The following PACS1 variants were observed in gnomAD, a reference collection of about 807,000 sequenced individuals.
PACS1 encodes the protein PACS-1.
Under a neutral mutation model 115.0 loss-of-function variants are expected in PACS1, and 24 were observed. The observed-to-expected ratio is 0.21, with a 90% CI of 0.15 to 0.29. PACS1 has a LOEUF of 0.29. Among genes scored for constraint, PACS1 ranks in the 10% least tolerant of loss-of-function variants. PACS1 has a pLI of 1.00. For missense variants in PACS1, 838 were observed against 1,251.2 expected (o/e 0.67, Z 4.98); for synonymous variants, 453 against 504.5 (o/e 0.90, Z 1.37).
chr11:66,135,423 G>A lies in PACS1; in HGVS notation c.357-58063G>A, dbSNP rs532020286. Among the ~76,000 whole-genome samples, 223 of 152,142 alleles carry A rather than the reference G, an allele frequency of 1.5e-3. 5 individuals are homozygous for A. The highest frequency in any genetic ancestry group is 3.4e-4 in the Non-Finnish European group (23 of 68,024). ...GGCACGCCCTTCAGAATCTTTATGGGTTTTTGTTAGCTCCTCAGCTTTCTC... is the reference window on the plus strand; with the variant it reads ...GGCACGCCCTTCAGAATCTTTATGGATTTTTGTTAGCTCCTCAGCTTTCTC... On this transcript the variant is annotated intron_variant, in intron 1 of 23. Transcript: ENST00000320580.
chr11:66,219,591 T>A, intron 7 of PACS1, 155 bp from the exon 8 acceptor site: 1 of 724,498 alleles, frequency 1.4e-6, no homozygotes, highest in Admixed American at 2.0e-5. Flanking sequence ...CCTGTCTTCC[T>A]GACAGGCTTT....
Position 66,070,639 on chromosome 11 carries a change from C to T in PACS1, c.153C>T (p.Ala51=), listed in dbSNP as rs1222755165. 3 of 1,557,478 alleles carry T rather than the reference C, an allele frequency of 1.9e-6. No homozygotes were observed. The highest frequency in any genetic ancestry group is 1.8e-4 in the Middle Eastern group (1 of 5,642). The change falls in exon 1 of 24, where the codon GCC becomes GCT. Residue 51 remains alanine, a synonymous_variant. Coordinates refer to ENST00000320580, the MANE Select transcript of PACS1 (RefSeq NM_018026.4). This position sits in a 1 kb window ranked among gnomAD's most constrained non-coding sequence, Gnocchi z 5.9. ...PPQQPTPPKL[A]QATSSSSSTS... is the part of the protein sequence containing the mutation. Reference sequence around the variant, plus strand: ...AGCAGCCGACGCCCCCCAAGCTGGCCCAGGCCACCTCGTCGTCCTCGTCCA... The same window carrying T: ...AGCAGCCGACGCCCCCCAAGCTGGCTCAGGCCACCTCGTCGTCCTCGTCCA...
intron 19 of PACS1, among the ~76,000 whole-genome samples, chr11:66,237,476 A>G (rs1855728157): frequency 6.6e-6 from 1 of 152,178 alleles, no homozygotes; most frequent in Non-Finnish European, 1.5e-5. Context: ...CTGCGCATCC[A>G]AGATGTGGGT....
Position 66,223,801 on chromosome 11 carries a change from T to C in PACS1, c.1293+2554T>C, listed in dbSNP as rs540606019. On this transcript the variant is annotated intron_variant, in intron 10 of 23. Coordinates refer to ENST00000320580, the MANE Select transcript of PACS1 (RefSeq NM_018026.4). ...ACTGTGGATGTTCAATAAATGTTAG[T>C]TACCTGACTTATAAAACTTACAGAA... Among the ~76,000 whole-genome samples, 86 of 152,292 alleles carry C rather than the reference T, an allele frequency of 5.6e-4. No individual in the cohort carries two copies. The South Asian group carries it at 0.012, about 21-fold the overall frequency.
At chr11:66,149,601 T>A (rs1859192310) in intron 1 of PACS1, among the ~76,000 whole-genome samples, 1 of 152,232 alleles carries the variant, frequency 6.6e-6, no homozygotes, top group African/African-American at 2.4e-5. Context: ...ACATTAACTT[T>A]GTATTTGAAA....
chr11:66,233,678 C>T lies in PACS1; in HGVS notation c.1839-107C>T. 3 of 1,104,990 alleles carry T rather than the reference C, an allele frequency of 2.7e-6. No individual in the cohort carries two copies. The highest frequency in any genetic ancestry group is 3.9e-6 in the Non-Finnish European group (3 of 771,568). The allele number at this position is 1,104,990 out of a possible 1,614,324, so 68.4% of individuals were successfully genotyped here. ...CTGTTTTATTTTGTGGATTGGTTTGCTTTTCCCCTGTGGGTTGTTGAGATC... is the reference window on the plus strand; with the variant it reads ...CTGTTTTATTTTGTGGATTGGTTTGTTTTTCCCCTGTGGGTTGTTGAGATC... On this transcript the variant is annotated intron_variant, in intron 15 of 23. Transcript: ENST00000320580. This position sits in a 1 kb window ranked among gnomAD's most constrained non-coding sequence, Gnocchi z 4.5.
intron 1 of PACS1, among the ~76,000 whole-genome samples, chr11:66,147,270 A>G (rs1859148460): frequency 6.6e-6 from 1 of 152,208 alleles, no homozygotes; most frequent in Non-Finnish European, 1.5e-5. Context: ...GTATTCTTCA[A>G]AAATGAAGGC....
At chr11:66,100,029 C>T (rs1023880514) in intron 1 of PACS1, among the ~76,000 whole-genome samples, 1 of 152,000 alleles carries the variant, frequency 6.6e-6, no homozygotes, top group Non-Finnish European at 1.5e-5. Context: ...TACAGACATC[C>T]GCCAGCACAC....
Position 66,207,439 on chromosome 11 carries a change from C to G in PACS1, c.445-2923C>G, listed in dbSNP as rs1854968265. ...CCGAGATCACACTACTGTACTCCAGCCTAGTCGACAGAGCAAGACTCTATC... is the reference window on the plus strand; with the variant it reads ...CCGAGATCACACTACTGTACTCCAGGCTAGTCGACAGAGCAAGACTCTATC... On this transcript the variant is annotated intron_variant, in intron 2 of 23. Transcript: ENST00000320580. Among the ~76,000 whole-genome samples, 2 of 152,240 alleles carry G rather than the reference C, an allele frequency of 1.3e-5. 1 individual carries two copies. Among genetic ancestry groups the G allele is most frequent in the South Asian group, 4.1e-4 (2 of 4,836 alleles).
intron 21 of PACS1, among the ~76,000 whole-genome samples, chr11:66,239,973 G>A (rs916475361): frequency 3.3e-5 from 5 of 152,270 alleles, no homozygotes; most frequent in African/African-American, 1.2e-4. Context: ...CCTGGGCCAC[G>A]TAGTGACGTG....
Position 66,114,443 on chromosome 11 carries a change from G to T in PACS1, c.356+43601G>T, listed in dbSNP as rs527789678. Among the ~76,000 whole-genome samples the T allele has an allele frequency of 9.2e-5, 14 of 151,410 alleles. 1 individual carries two copies. In the South Asian group the frequency reaches 2.9e-3, roughly 32 times the overall value. On this transcript the variant is annotated intron_variant, in intron 1 of 23. Coordinates refer to ENST00000320580, the MANE Select transcript of PACS1 (RefSeq NM_018026.4). ...AAAAAAAAAAAAAAAAGTACCTTGGGGATTTTTCTGTTTTTGTACTTACAG... is the reference window on the plus strand; with the variant it reads ...AAAAAAAAAAAAAAAAGTACCTTGGTGATTTTTCTGTTTTTGTACTTACAG...
intron 2 of PACS1, among the ~76,000 whole-genome samples, chr11:66,201,830 T>C (rs372214877): frequency 6.6e-6 from 1 of 152,090 alleles, no homozygotes; most frequent in East Asian, 1.9e-4. Flanking sequence ...GGCTAATTTT[T>C]GTATTTTTAG....
rs780641634 is a variant in PACS1, at chr11:66,221,170, A to T, written c.1216A>T (p.Met406Leu). The T allele has an allele frequency of 6.2e-6, 10 of 1,614,000 alleles. No individual in the cohort carries two copies. The highest frequency in any genetic ancestry group is 1.6e-4 in the Middle Eastern group (1 of 6,084). ...TCACCACAGGCCTTTCTTTGAGGGG[A>T]TGTCGCAGTCCAGCTCCCAGACGGA... ...KPKLKPFFEG[M>L]SQSSSQTEIG... Residue 406 changes from methionine (M) to leucine (L), a missense_variant, in exon 10 of 24, where the codon ATG becomes TTG. Physicochemically the swap from Met to Leu is conservative, Grantham distance 15 (BLOSUM62 2). Coordinates refer to ENST00000320580, the MANE Select transcript of PACS1 (RefSeq NM_018026.4).
intron 1 of PACS1, among the ~76,000 whole-genome samples, chr11:66,145,869 A>G (rs1347608947): frequency 6.6e-6 from 1 of 152,202 alleles, no homozygotes; most frequent in African/African-American, 2.4e-5. Context: ...TAAAAATAAA[A>G]ACAAGAATTT....
intron 1 of PACS1, among the ~76,000 whole-genome samples, chr11:66,156,906 C>T (rs1041667667): frequency 3.3e-5 from 5 of 151,770 alleles, no homozygotes; most frequent in African/African-American, 4.8e-5. Context: ...ATTCAGTATT[C>T]ACTCTCTAGG....
chr11:66,169,557 G>A (rs1399792422), intron 1 of PACS1, among the ~76,000 whole-genome samples: 6 of 128,466 alleles, frequency 4.7e-5, no homozygotes, highest in Admixed American at 3.4e-4. Flanking sequence ...GTGCCACCAC[G>A]CCCGGCTAAT....
At chr11:66,156,249 T>C (rs1859357103) in intron 1 of PACS1, among the ~76,000 whole-genome samples, 1 of 92,772 alleles carries the variant, frequency 1.1e-5, no homozygotes, top group Non-Finnish European at 2.0e-5. Context: ...TATATATATA[T>C]ATATAGTTTT....
At chr11:66,192,231 A>G (rs1854542621) in intron 1 of PACS1, among the ~76,000 whole-genome samples, 1 of 152,238 alleles carries the variant, frequency 6.6e-6, no homozygotes, top group African/African-American at 2.4e-5. Flanking sequence ...TACTGTGCCC[A>G]GCATTTGGGC....
At chr11:66,104,277 G>A (rs1438481124) in intron 1 of PACS1, among the ~76,000 whole-genome samples, 1 of 152,200 alleles carries the variant, frequency 6.6e-6, no homozygotes, top group Non-Finnish European at 1.5e-5. Context: ...AATTGCAAAT[G>A]TCAGTCACGG....
Sources: allele counts gnomAD v4.1 joint callset (sites outside exome capture counted in the v4.1 genomes callset), GRCh38; gene constraint gnomAD v4.1.1; non-coding constraint Gnocchi (gnomAD v3.1); transcripts MANE v1.5; gene names NCBI Gene and HGNC (gene_info 2026-07-23, HGNC 2026-07-21).